Variants in HTR4 observed in about 807,000 individuals in gnomAD.
HTR4 encodes the protein 5-hydroxytryptamine (serotonin) receptor 4, G protein-coupled.
HTR4 carries 16 observed loss-of-function variants against 36.8 expected under a neutral mutation model. The ratio of observed to expected loss-of-function variants is 0.43; its 90% CI spans 0.29 to 0.66. The LOEUF is 0.66. HTR4 is among the 30% of genes least tolerant of loss of function. HTR4 has a pLI of 0.13. For synonymous variants in HTR4, 189 were observed against 185.1 expected (o/e 1.02, Z -0.17); for missense variants, 438 against 490.9 (o/e 0.89, Z 1.02).
intron 5 of HTR4, among the ~76,000 whole-genome samples, 169 bp from the exon 6 acceptor site, chr5:148,510,193 G>A (rs1757431689): frequency 6.6e-6 from 1 of 152,026 alleles, no homozygotes; most frequent in Non-Finnish European, 1.5e-5. Flanking sequence ...AAAGAAAATG[G>A]GAGAATAAAA....
downstream of HTR4, among the ~76,000 whole-genome samples, chr5:148,477,536 C>A (rs1755738032): frequency 6.6e-6 from 1 of 152,174 alleles, no homozygotes; most frequent in African/African-American, 2.4e-5. Flanking sequence ...TTTCCAGCTG[C>A]AGGTAATTTC....
At chr5:148,645,523 T>C (rs1339854141) in intron 1 of HTR4, 1 of 152,176 alleles carries the variant, frequency 6.6e-6, no homozygotes, top group African/African-American at 2.4e-5. Flanking sequence ...AACCCCTGAT[T>C]CAAACCACAA....
chr5:148,512,636 G>A (rs553437282), intron 5 of HTR4, among the ~76,000 whole-genome samples: 58 of 152,182 alleles, frequency 3.8e-4, no homozygotes, highest in Middle Eastern at 6.8e-3. Context: ...TTACTCCTAA[G>A]TATAAAGATA....
At chr5:148,577,148 G>A (rs970780246) in intron 2 of HTR4, among the ~76,000 whole-genome samples, 1 of 152,032 alleles carries the variant, frequency 6.6e-6, no homozygotes, top group African/African-American at 2.4e-5. Context: ...ATTAAAAAGT[G>A]GGCAAAGGAC....
At chr5:148,651,999 G>A (rs374954752) in intron 1 of HTR4, among the ~76,000 whole-genome samples, 1 of 151,974 alleles carries the variant, frequency 6.6e-6, no homozygotes, top group Admixed American at 6.5e-5. Flanking sequence ...ACTTAGAAAG[G>A]CAAAGAAACT....
chr5:148,479,010 T>G (rs1482009521), downstream of HTR4, among the ~76,000 whole-genome samples: 1 of 152,088 alleles, frequency 6.6e-6, no homozygotes, highest in Non-Finnish European at 1.5e-5. Flanking sequence ...CTCCAGTTTT[T>G]TTTTTCTAAA....
downstream of HTR4, among the ~76,000 whole-genome samples, chr5:148,479,102 G>A (rs772899519): frequency 5.9e-5 from 9 of 152,118 alleles, no homozygotes; most frequent in South Asian, 1.0e-3. Context: ...ATGCCTCCTC[G>A]TGGTTTGTGC....
At chr5:148,508,455 C>G (rs1298719978) in intron 6 of HTR4, among the ~76,000 whole-genome samples, 3 of 152,162 alleles carry the variant, frequency 2.0e-5, no homozygotes, top group Non-Finnish European at 4.4e-5. Context: ...ACTTCCACCT[C>G]CATCCACTTA....
At chr5:148,562,845 C>T (rs898167190) in intron 2 of HTR4, among the ~76,000 whole-genome samples, 4 of 152,146 alleles carry the variant, frequency 2.6e-5, no homozygotes, top group South Asian at 2.1e-4. Context: ...AACTTCATAA[C>T]GTTTCCTGAT....
chr5:148,603,652 G>A (rs1024170216), intron 2 of HTR4, among the ~76,000 whole-genome samples: 6 of 151,882 alleles, frequency 4.0e-5, no homozygotes, highest in African/African-American at 7.3e-5. Context: ...CAAAGTGTTA[G>A]CATTAATAAA....
rs538515531 is a variant in HTR4 at position 148,617,996 on chromosome 5, C to T, written c.26+18993G>A. Among the ~76,000 whole-genome samples, 536 of 152,268 alleles carry T rather than the reference C, an allele frequency of 3.5e-3. 2 individuals are homozygous for T. Among genetic ancestry groups the T allele is most frequent in the Non-Finnish European group, 4.3e-3 (293 of 68,030 alleles). On this transcript the variant is annotated intron_variant, in intron 2 of 6. Transcript: ENST00000377888. ...CACTGTCTCTCAGCAATTCCCTCTT[C>T]GGCAACAGCTTCATTCCTGGGCCAG...
chr5:148,600,799 G>A (rs995422395), intron 2 of HTR4, among the ~76,000 whole-genome samples: 4 of 150,648 alleles, frequency 2.7e-5, no homozygotes, highest in Admixed American at 1.3e-4. Context: ...AAGCAGAGGC[G>A]ACAAAAGCAA....
chr5:148,532,313 C>A (rs190004576), intron 4 of HTR4, among the ~76,000 whole-genome samples: 12 of 152,284 alleles, frequency 7.9e-5, no homozygotes, highest in African/African-American at 2.6e-4. Context: ...AAAACCGTCC[C>A]CCAACTGATG....
chr5:148,637,100 C>T (rs1314476979), intron 1 of HTR4, 39 bp from the exon 2 acceptor site: 6 of 1,364,052 alleles, frequency 4.4e-6, no homozygotes, highest in Non-Finnish European at 6.2e-6. Flanking sequence ...TAAAAGAAAG[C>T]AGCATTGAAA....
chr5:148,484,465 G>T, intron 6 of HTR4: 2 of 1,297,670 alleles, frequency 1.5e-6, no homozygotes, highest in African/African-American at 2.9e-5. Context: ...GGTTTCTGGA[G>T]ATTAGCTTTA....
downstream of HTR4, among the ~76,000 whole-genome samples, chr5:148,479,663 G>C (rs943715671): frequency 2.0e-5 from 3 of 152,118 alleles, no homozygotes; most frequent in African/African-American, 7.2e-5. Context: ...AGGATTCTAG[G>C]ACCTTCAAAG....
intron 1 of HTR4, among the ~76,000 whole-genome samples, chr5:148,648,631 G>A (rs1753943920): frequency 1.3e-5 from 2 of 152,200 alleles, no homozygotes; most frequent in African/African-American, 4.8e-5. Flanking sequence ...TGCCATACTA[G>A]TTGTGTGATA....
At chr5:148,639,172 A>T (rs963469081) in intron 1 of HTR4, among the ~76,000 whole-genome samples, 1 of 152,166 alleles carries the variant, frequency 6.6e-6, no homozygotes, top group Middle Eastern at 3.4e-3. Context: ...TGAATTACTC[A>T]CCCACACCCC....
intron 2 of HTR4, among the ~76,000 whole-genome samples, chr5:148,554,924 G>C (rs948289803): frequency 1.6e-4 from 25 of 152,046 alleles, no homozygotes; most frequent in African/African-American, 5.8e-4. Context: ...TCCTCTGTTA[G>C]TTTTCTTAGG....
Sources: allele counts gnomAD v4.1 joint callset (sites outside exome capture counted in the v4.1 genomes callset), GRCh38; gene constraint gnomAD v4.1.1; transcripts MANE v1.5; gene names NCBI Gene and HGNC (gene_info 2026-07-23, HGNC 2026-07-21).